SH3RF1: variants seen among roughly 807,000 people sequenced by gnomAD.
SH3RF1 encodes SH3 domain containing ring finger 1.
A neutral mutation model predicts 74.0 loss-of-function variants in SH3RF1; 32 were observed. That is an observed-to-expected ratio of 0.43 (90% CI 0.33 to 0.58). SH3RF1 has a LOEUF of 0.58. SH3RF1 is among the 20% of genes least tolerant of loss of function. SH3RF1 has a pLI of 0.05. For missense variants in SH3RF1, 954 were observed against 1,130.9 expected (o/e 0.84, Z 2.24); for synonymous variants, 396 against 439.6 (o/e 0.90, Z 1.24).
intron 2 of SH3RF1, among the ~76,000 whole-genome samples, chr4:169,227,626 A>G (rs1405935749): frequency 6.6e-6 from 1 of 152,152 alleles, no homozygotes. Flanking sequence ...CATAACATCT[A>G]TGCATTATTT....
chr4:169,237,871 T>TC lies in SH3RF1; in HGVS notation c.393+30948dup, dbSNP rs373949565. On this transcript the variant is annotated intron_variant, in intron 2 of 11. Transcript: ENST00000284637. ...AATCCTGCTAAATCAATTTATGATT[T>TC]CCCCCCCGCTCCACACCCTTGAAAT... Among the ~76,000 whole-genome samples, 46 of 151,822 alleles carry TC rather than the reference T, an allele frequency of 3.0e-4. No homozygotes were observed. In the East Asian group the frequency reaches 6.4e-3, roughly 21 times the overall value.
At chr4:169,191,076 T>C (rs890024167) in intron 2 of SH3RF1, among the ~76,000 whole-genome samples, 2 of 152,086 alleles carry the variant, frequency 1.3e-5, no homozygotes, top group Non-Finnish European at 2.9e-5. Flanking sequence ...CATACCTCAA[T>C]GTAATAAAAG....
chr4:169,132,396 G>A (rs967053888), intron 5 of SH3RF1, among the ~76,000 whole-genome samples: 9 of 152,172 alleles, frequency 5.9e-5, no homozygotes, highest in African/African-American at 2.2e-4. Flanking sequence ...TACCTAAGGT[G>A]TCTGCCATCA....
intron 5 of SH3RF1, among the ~76,000 whole-genome samples, chr4:169,133,881 G>A (rs1441188470): frequency 6.6e-6 from 1 of 152,174 alleles, no homozygotes; most frequent in Non-Finnish European, 1.5e-5. Context: ...TTTAGCAATG[G>A]GTCTCAGTTA....
intron 2 of SH3RF1, among the ~76,000 whole-genome samples, chr4:169,236,460 T>C (rs62334171): frequency 0.19 from 29,572 of 152,182 alleles, 3,097 homozygotes; most frequent in Non-Finnish European, 0.25. Flanking sequence ...ATCTCAAATT[T>C]CAGGGTTGTT....
intron 2 of SH3RF1, among the ~76,000 whole-genome samples, chr4:169,186,294 C>G (rs1734601019): frequency 6.6e-6 from 1 of 151,906 alleles, no homozygotes; most frequent in African/African-American, 2.4e-5. Context: ...AACCCCATGA[C>G]ACATGTTTAC....
intron 11 of SH3RF1, among the ~76,000 whole-genome samples, chr4:169,103,680 T>C (rs1733080493): frequency 1.3e-5 from 2 of 152,174 alleles, no homozygotes; most frequent in South Asian, 2.1e-4. Flanking sequence ...ACCGCACATT[T>C]TTCCTGTTAT....
At chr4:169,115,504 T>C (rs1733317175) in intron 10 of SH3RF1, among the ~76,000 whole-genome samples, 1 of 152,168 alleles carries the variant, frequency 6.6e-6, no homozygotes, top group Non-Finnish European at 1.5e-5. Context: ...ATCTAATGCC[T>C]GAGGATCTGT....
rs148957898 is a variant in SH3RF1, at chr4:169,164,163, T to C, written c.394-7484A>G. On this transcript the variant is annotated intron_variant, in intron 2 of 11. Transcript: ENST00000284637. ...TATCTTACTCAGTTTATAACCTATT[T>C]CTTCCTGCTAGACTGTAACCTCCTG... Among the ~76,000 whole-genome samples the C allele has an allele frequency of 2.2e-4, 33 of 152,332 alleles. No individual in the cohort carries two copies. The East Asian group carries it at 5.4e-3, about 25-fold the overall frequency.
chr4:169,133,483 GA>G (rs946145104), intron 5 of SH3RF1, among the ~76,000 whole-genome samples: 9 of 142,500 alleles, frequency 6.3e-5, no homozygotes, highest in South Asian at 2.3e-4. Context: ...CTCAAAAAAA[GA>G]AAAAAAAAAG....
intron 4 of SH3RF1, among the ~76,000 whole-genome samples, chr4:169,141,775 T>G (rs1733790424): frequency 6.6e-6 from 1 of 151,424 alleles, no homozygotes; most frequent in Non-Finnish European, 1.5e-5. Flanking sequence ...GTAGCAGAGA[T>G]TATAGGCAAG....
intron 11 of SH3RF1, among the ~76,000 whole-genome samples, chr4:169,106,146 T>C (rs901434949): frequency 6.6e-6 from 1 of 151,900 alleles, no homozygotes; most frequent in African/African-American, 2.4e-5. Context: ...GGAGTCCTGC[T>C]CTGTCACCCA....
chr4:169,240,970 T>C (rs530532032), intron 2 of SH3RF1, among the ~76,000 whole-genome samples: 13 of 152,206 alleles, frequency 8.5e-5, no homozygotes, highest in Non-Finnish European at 1.8e-4. Flanking sequence ...GTGGCTCACG[T>C]CTGTAATCCC....
At chr4:169,254,516 A>G (rs1160083818) in intron 2 of SH3RF1, among the ~76,000 whole-genome samples, 1 of 152,224 alleles carries the variant, frequency 6.6e-6, no homozygotes, top group East Asian at 1.9e-4. Context: ...ATAGTGGCCA[A>G]TTGCTGACAC....
intron 2 of SH3RF1, among the ~76,000 whole-genome samples, chr4:169,170,364 T>C (rs1734305632): frequency 6.6e-6 from 1 of 152,202 alleles, no homozygotes; most frequent in Admixed American, 6.5e-5. Context: ...GCATTTCGTG[T>C]ATACTGCATA....
At position 169,136,542 on chromosome 4, in the gene SH3RF1, C is replaced by T; in HGVS notation, c.844G>A (p.Ala282Thr). The part of the protein sequence containing the change: ...PGVDAGECSS[A>T]AAQSSTAPKH... ...GGGGCAGTGCTGCTCTGGGCTGCTG[C>T]CGAGGAACATTCTCCAGCATCAACT... Residue 282 changes from alanine to threonine, a missense_variant, in exon 5 of 12, where the codon GCA becomes ACA. Coordinates refer to ENST00000284637, the MANE Select transcript of SH3RF1 (RefSeq NM_020870.4). 2.5e-6 allele frequency: 4 copies of T among 1,607,296 alleles called. No individual in the cohort carries two copies. The highest frequency in any genetic ancestry group is 3.4e-6 in the Non-Finnish European group (4 of 1,177,366).
chr4:169,163,605 T>A (rs1008727237), intron 2 of SH3RF1, among the ~76,000 whole-genome samples: 3 of 152,226 alleles, frequency 2.0e-5, no homozygotes, highest in African/African-American at 7.2e-5. Flanking sequence ...CCTATGTCTT[T>A]ACAATCTGGA....
At chr4:169,140,451 AG>A (rs1733766165) in intron 4 of SH3RF1, among the ~76,000 whole-genome samples, 1 of 152,212 alleles carries the variant, frequency 6.6e-6, no homozygotes, top group Non-Finnish European at 1.5e-5. Flanking sequence ...GTTGGATATA[AG>A]GTAAAATTCA....
chr4:169,237,868 AT>A (rs567439896), intron 2 of SH3RF1, among the ~76,000 whole-genome samples: 121 of 152,054 alleles, frequency 8.0e-4, no homozygotes, highest in African/African-American at 2.8e-3. Context: ...TCAATTTATG[AT>A]TTCCCCCCCG....
Sources: allele counts gnomAD v4.1 joint callset (sites outside exome capture counted in the v4.1 genomes callset), GRCh38; gene constraint gnomAD v4.1.1; transcripts MANE v1.5; gene names NCBI Gene and HGNC (gene_info 2026-07-23, HGNC 2026-07-21).